ZNF804B: variants seen among roughly 807,000 people sequenced by gnomAD.
The protein encoded by ZNF804B is zinc finger protein 804B.
ZNF804B carries 80 observed loss-of-function variants against 101.4 expected under a neutral mutation model. The observed-to-expected ratio is 0.79, with a 90% CI of 0.66 to 0.95. The LOEUF is 0.95. Ranked by LOEUF, ZNF804B falls within the 40% of genes least tolerant of loss-of-function variation. The pLI is 0.00. For missense variants in ZNF804B, 1,673 were observed against 1,561.9 expected (o/e 1.07, Z -1.20); for synonymous variants, 622 against 558.8 (o/e 1.11, Z -1.59).
intron 1 of ZNF804B, among the ~76,000 whole-genome samples, chr7:88,985,856 A>C (rs1793752836): frequency 6.6e-6 from 1 of 152,224 alleles, no homozygotes; most frequent in South Asian, 2.1e-4. Flanking sequence ...GTACTTGCCA[A>C]GATTAACTGA....
At chr7:89,276,843 CTT>C (rs1035962098) in intron 2 of ZNF804B, among the ~76,000 whole-genome samples, 1 of 151,702 alleles carries the variant, frequency 6.6e-6, no homozygotes, top group South Asian at 2.1e-4. Context: ...ATTCTGTAGT[CTT>C]TTTATCACTT....
rs186616466 is a variant in ZNF804B, at chr7:88,995,085, G to C, written c.109-223070G>C. ...CCTTTAAGAGCTTCAGATTTTCAGA[G>C]GTCCTTGCATATCGCCTGCCTATCT... On this transcript the variant is annotated intron_variant, in intron 1 of 3. Transcript: ENST00000333190. 2.6e-5 allele frequency among the ~76,000 whole-genome samples: 4 copies of C among 152,160 alleles called. No homozygotes were observed. In the East Asian group the frequency reaches 7.8e-4, roughly 30 times the overall value.
At chr7:89,053,554 A>G (rs887980139) in intron 1 of ZNF804B, among the ~76,000 whole-genome samples, 3 of 152,116 alleles carry the variant, frequency 2.0e-5, no homozygotes, top group African/African-American at 7.2e-5. Context: ...AGAGTTTTGC[A>G]TAAATGTTAC....
intron 1 of ZNF804B, among the ~76,000 whole-genome samples, chr7:89,175,499 G>GGTAA (rs1425605398): frequency 6.6e-6 from 1 of 151,982 alleles, no homozygotes; most frequent in Non-Finnish European, 1.5e-5. Context: ...TTTGAAGCTA[G>GGTAA]GTAATGTGAT....
At chr7:88,943,876 GTATT>G (rs1562839535) in intron 1 of ZNF804B, among the ~76,000 whole-genome samples, 1 of 151,682 alleles carries the variant, frequency 6.6e-6, no homozygotes, top group Non-Finnish European at 1.5e-5. Context: ...GTACCTTTCT[GTATT>G]TGTCTTCCGT....
chr7:88,890,838 T>G (rs1792204300), intron 1 of ZNF804B, among the ~76,000 whole-genome samples: 1 of 152,148 alleles, frequency 6.6e-6, no homozygotes, highest in Non-Finnish European at 1.5e-5. Flanking sequence ...TTTTCACTTA[T>G]TCATAACACA....
intron 2 of ZNF804B, among the ~76,000 whole-genome samples, chr7:89,298,244 A>G (rs1790419255): frequency 8.5e-6 from 1 of 117,248 alleles, no homozygotes; most frequent in African/African-American, 3.3e-5. Flanking sequence ...ATATATATAT[A>G]TATATATATA....
At position 89,335,932 on chromosome 7, in the gene ZNF804B, C is replaced by G. The variant is rs766466684; in HGVS notation, c.2950C>G (p.Gln984Glu). The G allele has an allele frequency of 6.2e-7, 1 of 1,614,040 alleles. No homozygotes were observed. Among genetic ancestry groups the G allele is most frequent in the South Asian group, 1.1e-5 (1 of 91,088 alleles). Residue 984 changes from glutamine to glutamate, a missense_variant, in exon 4 of 4, where the codon CAG (glutamine) becomes GAG (glutamate). Transcript: ENST00000333190. ...RQALPLSEKIQYASESRNDQD... is the reference protein window; with the variant it reads ...RQALPLSEKIEYASESRNDQD... ...AGCATTGCCTTTGTCTGAAAAAATA[C>G]AGTATGCAAGTGAGAGCAGAAATGA...
At chr7:89,012,286 G>T (rs577349471) in intron 1 of ZNF804B, among the ~76,000 whole-genome samples, 2 of 152,012 alleles carry the variant, frequency 1.3e-5, no homozygotes, top group South Asian at 4.2e-4. Flanking sequence ...AGGAGGGGCT[G>T]CCGTGAAGAC....
At chr7:88,930,189 T>G (rs934078074) in intron 1 of ZNF804B, among the ~76,000 whole-genome samples, 4 of 152,002 alleles carry the variant, frequency 2.6e-5, no homozygotes, top group Non-Finnish European at 4.4e-5. Flanking sequence ...TATTTTGATA[T>G]TGTGTTACAA....
At chr7:88,889,078 T>TA (rs1433313811) in intron 1 of ZNF804B, among the ~76,000 whole-genome samples, 8 of 152,190 alleles carry the variant, frequency 5.3e-5, no homozygotes, top group African/African-American at 1.7e-4. Flanking sequence ...CTTAGGGTAA[T>TA]AGTCTCCAGT....
chr7:89,303,145 A>T, intron 2 of ZNF804B, among the ~76,000 whole-genome samples: 1 of 151,932 alleles, frequency 6.6e-6, no homozygotes. Context: ...ATCTTCTTCT[A>T]GTAAATAATA....
At chr7:89,273,115 A>C (rs1376443034) in intron 2 of ZNF804B, among the ~76,000 whole-genome samples, 1 of 152,142 alleles carries the variant, frequency 6.6e-6, no homozygotes, top group Non-Finnish European at 1.5e-5. Context: ...TAACAAACCT[A>C]AGCACTATGT....
At chr7:89,244,876 A>G (rs1789420712) in intron 2 of ZNF804B, among the ~76,000 whole-genome samples, 1 of 152,190 alleles carries the variant, frequency 6.6e-6, no homozygotes, top group Non-Finnish European at 1.5e-5. Flanking sequence ...GAGTTTTAGT[A>G]TAATTCACAA....
At chr7:89,148,409 T>C (rs1179423378) in intron 1 of ZNF804B, among the ~76,000 whole-genome samples, 2 of 151,902 alleles carry the variant, frequency 1.3e-5, no homozygotes, top group Non-Finnish European at 2.9e-5. Context: ...CAAATAAGAG[T>C]ATTTGAGCAG....
At chr7:88,878,012 T>A (rs1189848008) in intron 1 of ZNF804B, among the ~76,000 whole-genome samples, 1 of 152,118 alleles carries the variant, frequency 6.6e-6, no homozygotes, top group East Asian at 1.9e-4. Flanking sequence ...GTAAAAAAGA[T>A]GCGGTTAAAT....
At chr7:89,209,761 T>C (rs1025957748) in intron 1 of ZNF804B, among the ~76,000 whole-genome samples, 6 of 152,178 alleles carry the variant, frequency 3.9e-5, no homozygotes, top group African/African-American at 1.4e-4. Context: ...ATTATTATTA[T>C]TAATTTCACT....
intron 1 of ZNF804B, among the ~76,000 whole-genome samples, chr7:88,882,117 C>T (rs1216337016): frequency 6.6e-6 from 1 of 152,132 alleles, no homozygotes; most frequent in Non-Finnish European, 1.5e-5. Flanking sequence ...CTCATGAGCA[C>T]ATTTGCCTCA....
At chr7:88,888,147 C>T (rs976969361) in intron 1 of ZNF804B, among the ~76,000 whole-genome samples, 22 of 152,172 alleles carry the variant, frequency 1.4e-4, no homozygotes, top group Admixed American at 9.2e-4. Flanking sequence ...AATCCCAGCG[C>T]TTTGGGTGGC....
Sources: gnomAD v4.1 joint callset for allele counts (sites outside exome capture counted in the v4.1 genomes callset) on GRCh38, gnomAD v4.1.1 for gene constraint, MANE v1.5 for transcripts, NCBI Gene and HGNC (gene_info 2026-07-23, HGNC 2026-07-21) for gene names.